Variants in KSR2 observed in about 807,000 individuals in gnomAD.
KSR2 encodes the protein kinase suppressor of ras 2.
A neutral mutation model predicts 107.8 loss-of-function variants in KSR2; 25 were observed. That is an observed-to-expected ratio of 0.23 (90% confidence interval 0.17 to 0.32). The LOEUF (loss-of-function observed/expected upper bound fraction) is 0.32, where lower values mean the gene tolerates loss of function less well. Among genes scored for constraint, KSR2 ranks in the 10% least tolerant of loss-of-function variants. The probability of loss-of-function intolerance (pLI) is 1.00; values close to 1 mark genes in which losing one functional copy is unlikely to be tolerated. For missense variants in KSR2, 887 were observed against 1,268.9 expected, an observed-to-expected ratio of 0.70 and a Z score of 4.57; for synonymous variants, 480 against 507.0, an observed-to-expected ratio of 0.95 and a Z score of 0.71.
At chr12:117,732,924 G>A (rs1230837770) in intron 4 of KSR2, among the ~76,000 whole-genome samples, 2 of 152,178 alleles carry the variant, frequency 1.3e-5, no homozygotes, top group East Asian at 1.9e-4. Flanking sequence ...AGAGGGTCCA[G>A]GGCTCCCTCC....
At chr12:117,752,101 G>A (rs1888632164) in intron 4 of KSR2, among the ~76,000 whole-genome samples, 1 of 152,194 alleles carries the variant, frequency 6.6e-6, no homozygotes, top group African/African-American at 2.4e-5. Flanking sequence ...GGCAAAGCCT[G>A]TTTCCATGCA....
At chr12:117,785,546 C>T (rs895653618) in intron 3 of KSR2, among the ~76,000 whole-genome samples, 2 of 150,940 alleles carry the variant, frequency 1.3e-5, no homozygotes, top group Non-Finnish European at 2.9e-5. Flanking sequence ...TAAAGGTAAC[C>T]ACTCTTGAAA....
At chr12:117,566,750 G>C (rs1878519286) in intron 7 of KSR2, among the ~76,000 whole-genome samples, 1 of 152,124 alleles carries the variant, frequency 6.6e-6, no homozygotes, top group African/African-American at 2.4e-5. Context: ...AGGCACTGGA[G>C]GTATAATAAT....
intron 4 of KSR2, among the ~76,000 whole-genome samples, chr12:117,673,894 C>T (rs995652687): frequency 2.6e-5 from 4 of 152,146 alleles, no homozygotes; most frequent in Non-Finnish European, 4.4e-5. Context: ...TGGCACAAAA[C>T]ATTAGAAAGG....
At chr12:117,906,149 G>A (rs542694292) in intron 1 of KSR2, among the ~76,000 whole-genome samples, 111 of 152,034 alleles carry the variant, frequency 7.3e-4, no homozygotes, top group African/African-American at 2.2e-3. Flanking sequence ...TCAGGAGTTC[G>A]AGCCCAGCCT....
intron 3 of KSR2, 102 bp from the exon 4 acceptor site, chr12:117,761,626 C>CA: frequency 9.2e-7 from 1 of 1,085,894 alleles, no homozygotes; most frequent in Non-Finnish European, 1.4e-6. Flanking sequence ...ACACCACGTG[C>CA]CCATTACATC....
At chr12:117,488,788 C>T (rs1872602758) in intron 14 of KSR2, among the ~76,000 whole-genome samples, 4 of 151,682 alleles carry the variant, frequency 2.6e-5, no homozygotes, top group Non-Finnish European at 5.9e-5. Context: ...CCTCTGACTC[C>T]TGGGTTCAAG....
chr12:117,501,590 A>G (rs1264820422), intron 14 of KSR2, among the ~76,000 whole-genome samples: 3 of 152,222 alleles, frequency 2.0e-5, no homozygotes, highest in Non-Finnish European at 4.4e-5. Context: ...GCAGGCACAT[A>G]TTACATGAGA....
rs60739892 is a variant in KSR2 at position 117,821,170 on chromosome 12, A to C, written c.472+34258T>G. ...TAAGACACTTAGCACAATGCCTGGCATAGAATGATTAATCCATGTTAGATA... is the reference window on the plus strand; with the variant it reads ...TAAGACACTTAGCACAATGCCTGGCCTAGAATGATTAATCCATGTTAGATA... On this transcript the variant is annotated intron_variant, in intron 3 of 19. Transcript: ENST00000339824. Among the ~76,000 whole-genome samples, 1,025 of 152,348 alleles carry C rather than the reference A, an allele frequency of 6.7e-3. 14 individuals are homozygous for C. The highest frequency in any genetic ancestry group is 0.023 in the African/African-American group (969 of 41,588).
rs117149245 is a variant in KSR2 at position 117,686,163 on chromosome 12, C to T, written c.987-18505G>A. On this transcript the variant is annotated intron_variant, in intron 4 of 19. Transcript: ENST00000339824. ...TCCAGGGTTCAAGCCATCCTCCTGT[C>T]TCAGTCTTCTCAGTAGCTGGGACCA... Among the ~76,000 whole-genome samples the T allele has an allele frequency of 2.4e-4, 36 of 149,062 alleles. No individual in the cohort carries two copies. The East Asian group carries it at 6.9e-3, about 29-fold the overall frequency.
At chr12:117,588,957 CA>C (rs1880163813) in intron 5 of KSR2, among the ~76,000 whole-genome samples, 1 of 152,220 alleles carries the variant, frequency 6.6e-6, no homozygotes, top group Admixed American at 6.5e-5. Context: ...GCTATGTCTT[CA>C]TTTAATCCAC....
intron 5 of KSR2, among the ~76,000 whole-genome samples, chr12:117,641,705 T>A (rs1295476549): frequency 6.6e-6 from 1 of 152,100 alleles, no homozygotes; most frequent in East Asian, 1.9e-4. Flanking sequence ...CTTCAACATA[T>A]CTTTTTTAAT....
chr12:117,915,127 C>A (rs1376216159), intron 1 of KSR2, among the ~76,000 whole-genome samples: 1 of 152,204 alleles, frequency 6.6e-6, no homozygotes, highest in Admixed American at 6.5e-5. Context: ...AGCCCCAAGA[C>A]ACTTATTATC....
intron 5 of KSR2, among the ~76,000 whole-genome samples, chr12:117,634,755 G>T (rs752689417): frequency 6.6e-6 from 1 of 152,156 alleles, no homozygotes; most frequent in Non-Finnish European, 1.5e-5. Context: ...ATCAACCAGG[G>T]TTACTTCCGA....
At chr12:117,857,780 G>A (rs1446756659) in intron 2 of KSR2, among the ~76,000 whole-genome samples, 1 of 152,208 alleles carries the variant, frequency 6.6e-6, no homozygotes, top group African/African-American at 2.4e-5. Flanking sequence ...CACACAGCAA[G>A]TCATTGGTGG....
intron 10 of KSR2, among the ~76,000 whole-genome samples, chr12:117,538,061 T>C (rs6490128): frequency 0.58 from 87,891 of 151,858 alleles, 26,032 homozygotes; most frequent in Admixed American, 0.69. Flanking sequence ...AGCATCGGGC[T>C]CACTTCCCCC....
intron 5 of KSR2, among the ~76,000 whole-genome samples, chr12:117,616,936 TTAA>T (rs1384772298): frequency 6.6e-6 from 1 of 152,214 alleles, no homozygotes; most frequent in African/African-American, 2.4e-5. Flanking sequence ...CATATGTGCA[TTAA>T]TGTAATGAAC....
intron 4 of KSR2, among the ~76,000 whole-genome samples, chr12:117,736,959 G>A (rs1721650439): frequency 6.6e-6 from 1 of 152,220 alleles, no homozygotes; most frequent in African/African-American, 2.4e-5. Context: ...TCAAAGGGGA[G>A]AATGGGAATT....
intron 5 of KSR2, among the ~76,000 whole-genome samples, chr12:117,604,227 A>G (rs1881107219): frequency 6.6e-6 from 1 of 152,140 alleles, no homozygotes; most frequent in Non-Finnish European, 1.5e-5. Context: ...CACTCAGCAT[A>G]AATTCCTGTT....
Sources: gnomAD v4.1 joint callset for allele counts (sites outside exome capture counted in the v4.1 genomes callset) on GRCh38, gnomAD v4.1.1 for gene constraint, MANE v1.5 for transcripts, NCBI Gene and HGNC (gene_info 2026-07-23, HGNC 2026-07-21) for gene names.